The following APOOL variants were observed in gnomAD, a reference collection of about 807,000 sequenced individuals.
APOOL encodes the protein apolipoprotein O like, also known as MICOS complex subunit MIC27.
In APOOL, 12 loss-of-function variants were observed where a neutral mutation model predicts 23.1. The ratio of observed to expected loss-of-function variants is 0.52; its 90% CI spans 0.33 to 0.84. APOOL has a LOEUF of 0.84. APOOL is among the 40% of genes least tolerant of loss of function. The probability of loss-of-function intolerance (pLI) is 0.02; values close to 1 mark genes in which losing one functional copy is unlikely to be tolerated. For synonymous variants in APOOL, 77 were observed against 69.9 expected (o/e 1.10, Z -0.51); for missense variants, 212 against 199.6 (o/e 1.06, Z -0.37).
At position 85,092,768 on chromosome X, in the gene APOOL, A is replaced by C. The variant is rs1030418698; in HGVS notation, c.*5090A>C. The C allele has an allele frequency of 2.6e-6, 1 of 379,885 alleles. No homozygotes were observed. The highest frequency in any genetic ancestry group is 2.5e-5 in the African/African-American group (1 of 40,113). 31.3% of individuals were successfully genotyped at this position (379,885 alleles called of 1,213,427 possible). A position where few individuals can be genotyped will look rare whatever the true frequency, so the allele number is the denominator to read the frequency against. ...GCTTTAAAGCCCTCTTTAAAATCTC[A>C]AAACTGATTTGCAAAGCCTTTATCA... is the stretch of plus-strand genomic sequence containing the variant. On this transcript the variant is annotated 3_prime_UTR_variant, in exon 9 of 9. Transcript: ENST00000373173.
At chrX:85,013,793 G>T (rs1357203215) in intron 1 of APOOL, among the ~76,000 whole-genome samples, 1 of 111,671 alleles carries the variant, frequency 9.0e-6, no homozygotes, top group Non-Finnish European at 1.9e-5. Flanking sequence ...TGTATATTCT[G>T]CAGTTTTGGG....
intron 2 of APOOL, among the ~76,000 whole-genome samples, chrX:85,046,822 T>A (rs1315291684): frequency 9.0e-6 from 1 of 111,633 alleles, no homozygotes; most frequent in African/African-American, 3.2e-5. Flanking sequence ...GGCAGTCTGA[T>A]TTTTCTTTCT....
chrX:85,023,476 A>G (rs1392284963), intron 1 of APOOL, among the ~76,000 whole-genome samples: 1 of 111,784 alleles, frequency 8.9e-6, no homozygotes, highest in African/African-American at 3.3e-5. Context: ...AAATGTCCGT[A>G]CTACCCAAAA....
At chrX:85,070,509 G>GT (rs1024436069) in intron 6 of APOOL, among the ~76,000 whole-genome samples, 2 of 111,577 alleles carry the variant, frequency 1.8e-5, no homozygotes, top group African/African-American at 6.5e-5. Context: ...TTTAACGCCT[G>GT]TTTAAAAGAA....
At position 85,090,354 on chromosome X, in the gene APOOL, C is replaced by A. The variant is rs745522157; in HGVS notation, c.*2676C>A. 1.8e-5 allele frequency: 2 copies of A among 111,402 alleles called. No individual in the cohort carries two copies. Among genetic ancestry groups the A allele is most frequent in the Non-Finnish European group, 3.8e-5 (2 of 53,072 alleles). The allele number at this position is 111,402 out of a possible 1,213,427, so 9.2% of individuals were successfully genotyped here. A position where few individuals can be genotyped will look rare whatever the true frequency, so the allele number is the denominator to read the frequency against. On this transcript the variant is annotated 3_prime_UTR_variant, in exon 9 of 9. Transcript: ENST00000373173. ...TTCTTTTCCCCTGTGGTGAGGAAGGCAAGGGGTAAGGGGTTGGGAACAGGT... is the reference window on the plus strand; with the variant it reads ...TTCTTTTCCCCTGTGGTGAGGAAGGAAAGGGGTAAGGGGTTGGGAACAGGT...
At chrX:85,025,971 G>T (rs1156330843) in intron 1 of APOOL, among the ~76,000 whole-genome samples, 2 of 113,054 alleles carry the variant, frequency 1.8e-5, no homozygotes, top group African/African-American at 6.4e-5. Context: ...TAGTGTGTGG[G>T]GGCTCCAACC....
At chrX:85,025,505 G>A (rs1349201746) in intron 1 of APOOL, among the ~76,000 whole-genome samples, 1 of 111,992 alleles carries the variant, frequency 8.9e-6, no homozygotes, top group Non-Finnish European at 1.9e-5. Flanking sequence ...AGTCTTATCT[G>A]AGACAAGGCA....
chrX:85,027,015 G>A (rs780872477), intron 1 of APOOL, among the ~76,000 whole-genome samples: 3 of 111,847 alleles, frequency 2.7e-5, no homozygotes, highest in Non-Finnish European at 5.6e-5. Flanking sequence ...TTCTGGCACT[G>A]CTATAAGGAA....
intron 1 of APOOL, among the ~76,000 whole-genome samples, chrX:85,024,029 T>C (rs1305916436): frequency 8.9e-6 from 1 of 111,945 alleles, no homozygotes; most frequent in African/African-American, 3.3e-5. Context: ...ATTTGTAACA[T>C]GGTATGAAGT....
chrX:85,062,218 G>GTT (rs112444877), intron 5 of APOOL, among the ~76,000 whole-genome samples: 1 of 110,557 alleles, frequency 9.0e-6, no homozygotes, highest in African/African-American at 3.3e-5. Flanking sequence ...GGGGTTCTTA[G>GTT]TTTTTTTTCT....
intron 1 of APOOL, among the ~76,000 whole-genome samples, chrX:85,020,110 G>T (rs1326710203): frequency 1.8e-5 from 2 of 111,781 alleles, no homozygotes; most frequent in Non-Finnish European, 3.8e-5. Flanking sequence ...TTGTCAGCAG[G>T]ATCGGTGATG....
intron 3 of APOOL, among the ~76,000 whole-genome samples, chrX:85,053,594 C>CAT (rs1299738643): frequency 9.0e-6 from 1 of 111,456 alleles, no homozygotes; most frequent in African/African-American, 3.2e-5. Flanking sequence ...CAACAGAGTA[C>CAT]AATATGACCA....
chrX:85,079,494 G>C (rs749176835), intron 8 of APOOL, among the ~76,000 whole-genome samples: 1 of 111,621 alleles, frequency 9.0e-6, no homozygotes, highest in Non-Finnish European at 1.9e-5. Context: ...CGGTTTGCCA[G>C]TATTTTATTG....
At chrX:85,039,846 TTATC>T (rs1272010485) in intron 1 of APOOL, among the ~76,000 whole-genome samples, 1 of 112,101 alleles carries the variant, frequency 8.9e-6, no homozygotes, top group Non-Finnish European at 1.9e-5. Flanking sequence ...TTTTACTTCT[TTATC>T]TAACTTGCCA....
chrX:85,045,884 C>T (rs943912896), intron 1 of APOOL, among the ~76,000 whole-genome samples: 3 of 111,558 alleles, frequency 2.7e-5, no homozygotes, highest in African/African-American at 9.7e-5. Flanking sequence ...TTTCAAGATG[C>T]AGCCTGCATC....
chrX:85,068,324 C>T (rs1923538428), intron 6 of APOOL, among the ~76,000 whole-genome samples: 1 of 109,931 alleles, frequency 9.1e-6, no homozygotes, highest in African/African-American at 3.3e-5. Flanking sequence ...CAGCATCATA[C>T]TGACCTTCAG....
intron 1 of APOOL, among the ~76,000 whole-genome samples, chrX:85,040,472 A>G (rs1861501548): frequency 8.9e-6 from 1 of 111,943 alleles, no homozygotes. Flanking sequence ...TTCATGGACA[A>G]TATTCTCAAA....
At chrX:85,044,350 C>T (rs988396425) in intron 1 of APOOL, among the ~76,000 whole-genome samples, 6 of 109,258 alleles carry the variant, frequency 5.5e-5, no homozygotes, top group Admixed American at 9.9e-5. Context: ...GGTGCTATTT[C>T]GGCTCGCTGC....
In APOOL at chrX:85,051,550, A is replaced by T. The variant is rs1261847385; in HGVS notation, c.240+42A>T. On this transcript the variant is annotated intron_variant, in intron 3 of 8. Coordinates refer to ENST00000373173, the MANE Select transcript of APOOL (RefSeq NM_198450.6). ...AGTGGTTTAATATCAGAGATTTCTG[A>T]TTAATTGTTCCAGTTACCTACTGAT... The T allele has an allele frequency of 1.0e-5, 12 of 1,204,294 alleles. No homozygotes were observed. In the Admixed American group the frequency reaches 2.6e-4, roughly 26 times the overall value.
Sources: allele counts gnomAD v4.1 joint callset (sites outside exome capture counted in the v4.1 genomes callset), GRCh38; gene constraint gnomAD v4.1.1; transcripts MANE v1.5; gene names NCBI Gene and HGNC (gene_info 2026-07-23, HGNC 2026-07-21).